The following ITGAX variants were observed in gnomAD, a reference collection of about 807,000 sequenced individuals.
ITGAX encodes the protein integrin alpha-X.
Under a neutral mutation model 140.2 loss-of-function variants are expected in ITGAX, and 99 were observed. The observed-to-expected ratio is 0.71, with a 90% CI of 0.60 to 0.83. The LOEUF is 0.83. ITGAX is among the 40% of genes least tolerant of loss of function. The pLI is 0.00. For missense variants in ITGAX, 1,444 were observed against 1,482.0 expected, an observed-to-expected ratio of 0.97 and a Z score of 0.42; for synonymous variants, 631 against 600.4, an observed-to-expected ratio of 1.05 and a Z score of -0.75.
intron 14 of ITGAX, among the ~76,000 whole-genome samples, chr16:31,364,607 C>T (rs906801942): frequency 3.9e-5 from 6 of 151,958 alleles, no homozygotes; most frequent in African/African-American, 1.5e-4. Context: ...GAAACAAAGG[C>T]GGATAATGAC....
Position 31,376,918 on chromosome 16 carries a change from C to T in ITGAX, c.2625+3C>T. 2 of 1,614,162 alleles carry T rather than the reference C, an allele frequency of 1.2e-6. No individual in the cohort carries two copies. Among genetic ancestry groups the T allele is most frequent in the East Asian group, 2.2e-5 (1 of 44,890 alleles). ...TCATCTTCCGTGGCGGCGCCCAGGT[C>T]AGCCTGGCTTCTGTCCCCTCACTGC... On this transcript the variant is annotated splice_donor_region_variant and intron_variant, in intron 21 of 29. Transcript: ENST00000268296.
intron 20 of ITGAX, among the ~76,000 whole-genome samples, chr16:31,374,456 T>A (rs2081000985): frequency 6.6e-6 from 1 of 152,130 alleles, no homozygotes; most frequent in Admixed American, 6.5e-5. Context: ...TTCTTTATTT[T>A]TGAGACAGGG....
intron 8 of ITGAX, 190 bp from the exon 9 acceptor site, chr16:31,360,873 A>C (rs1264900255): frequency 2.9e-5 from 17 of 581,582 alleles, no homozygotes; most frequent in Non-Finnish European, 4.5e-5. Context: ...AAGGATGAAA[A>C]CTCTGCCCCA....
chr16:31,357,227 C>A (rs753053210), intron 4 of ITGAX, 26 bp from the exon 5 acceptor site: 2 of 1,555,860 alleles, frequency 1.3e-6, no homozygotes, highest in Non-Finnish European at 8.8e-7. Context: ...CAGGGGCAGC[C>A]CCCCAGCAGC....
chr16:31,365,621 A>T (rs934971600), intron 14 of ITGAX, among the ~76,000 whole-genome samples: 2 of 152,246 alleles, frequency 1.3e-5, no homozygotes, highest in Admixed American at 1.3e-4. Context: ...TTTAATTATC[A>T]TTAAGATAGT....
chr16:31,365,742 G>A (rs1239180467), intron 14 of ITGAX, among the ~76,000 whole-genome samples: 1 of 152,154 alleles, frequency 6.6e-6, no homozygotes, highest in Non-Finnish European at 1.5e-5. Flanking sequence ...GGCCAACATG[G>A]GGAAACCCCG....
chr16:31,362,272 G>T, intron 11 of ITGAX, 68 bp downstream of exon 11: 1 of 1,604,366 alleles, frequency 6.2e-7, no homozygotes, highest in Non-Finnish European at 8.5e-7. Flanking sequence ...CAGGGTTCTG[G>T]GGAAGGGGTA....
Position 31,356,738 on chromosome 16 carries a change from C to T in ITGAX, c.247+10C>T, listed in dbSNP as rs1243656402. The T allele has an allele frequency of 1.0e-5, 16 of 1,560,828 alleles. No homozygotes were observed. The highest frequency in any genetic ancestry group is 3.5e-5 in the South Asian group (3 of 85,498). ...CCCATCGGCCTGCAGGGTGAGTCAC[C>T]GCCCCTCCCGGGACCCAGGGCCGGG... On this transcript the variant is annotated intron_variant, in intron 3 of 29. Transcript: ENST00000268296.
At chr16:31,363,099 T>TGGGG in intron 13 of ITGAX, 24 bp downstream of exon 13, 1 of 504,854 alleles carries the variant, frequency 2.0e-6, no homozygotes, top group Non-Finnish European at 3.4e-6. Flanking sequence ...GGGCCTGGGG[T>TGGGG]GGGTGGGGTC....
At chr16:31,370,876 C>T (rs911073358) in intron 14 of ITGAX, among the ~76,000 whole-genome samples, 7 of 152,072 alleles carry the variant, frequency 4.6e-5, no homozygotes, top group African/African-American at 1.7e-4. Context: ...CACCAGGACA[C>T]CCTTCCTATC....
At chr16:31,369,420 T>C (rs568969482) in intron 14 of ITGAX, among the ~76,000 whole-genome samples, 17 of 152,332 alleles carry the variant, frequency 1.1e-4, no homozygotes, top group African/African-American at 3.4e-4. Flanking sequence ...GAAGCTCTAC[T>C]GTGGCCAAAT....
chr16:31,368,626 T>A (rs951705268), intron 14 of ITGAX, among the ~76,000 whole-genome samples: 2 of 151,962 alleles, frequency 1.3e-5, no homozygotes, highest in African/African-American at 2.4e-5. Flanking sequence ...TTATTTTTTT[T>A]ATTGATCATT....
At position 31,382,178 on chromosome 16, in the gene ITGAX, G is replaced by A. The variant is rs1037068953; in HGVS notation, c.*271G>A. 6.7e-5 allele frequency: 95 copies of A among 1,410,762 alleles called. No individual in the cohort carries two copies. Among genetic ancestry groups the A allele is most frequent in the Middle Eastern group, 2.6e-4 (1 of 3,820 alleles). 87.4% of individuals were successfully genotyped at this position (1,410,762 alleles called of 1,614,324 possible). A position where few individuals can be genotyped will look rare whatever the true frequency, so the allele number is the denominator to read the frequency against. On this transcript the variant is annotated 3_prime_UTR_variant, in exon 30 of 30. Coordinates refer to ENST00000268296, the MANE Select transcript of ITGAX (RefSeq NM_000887.5). ...TAGAAATACATGGACAATACCCCCA[G>A]GCCTCAGTCTCCCTTCTCCCATGAG...
In ITGAX at chr16:31,380,074, G is replaced by C; in HGVS notation, c.3060+9G>C. 1 of 1,613,396 alleles carries C rather than the reference G, an allele frequency of 6.2e-7. No individual in the cohort carries two copies. ...AGAAGAATCCCGTGCTGGTGAGGAG[G>C]GCTCTGGGCTGGCCCTCACTGTAGG... On this transcript the variant is annotated intron_variant, in intron 26 of 29. Transcript: ENST00000268296.
At chr16:31,362,243 C>T (rs200734472) in intron 11 of ITGAX, 39 bp downstream of exon 11, 340 of 1,610,608 alleles carry the variant, frequency 2.1e-4, no homozygotes, top group Non-Finnish European at 1.7e-4. Flanking sequence ...GTGGGAGATG[C>T]ACTGCCCAGG....
At chr16:31,367,765 C>A (rs2080906428) in intron 14 of ITGAX, among the ~76,000 whole-genome samples, 1 of 152,116 alleles carries the variant, frequency 6.6e-6, no homozygotes, top group Non-Finnish European at 1.5e-5. Flanking sequence ...GTCCATGGAC[C>A]AAGGAGTAAT....
At chr16:31,355,407 A>C in intron 1 of ITGAX, 116 bp downstream of exon 1, 1 of 1,102,278 alleles carries the variant, frequency 9.1e-7, no homozygotes, top group Non-Finnish European at 1.3e-6. Flanking sequence ...AGACTCAGTC[A>C]AGCCTGAGGG....
chr16:31,371,619 A>G lies in ITGAX; in HGVS notation c.2006-11A>G, dbSNP rs772427794. 4.3e-6 allele frequency: 7 copies of G among 1,613,476 alleles called. No individual in the cohort carries two copies. The highest frequency in any genetic ancestry group is 1.3e-5 in the African/African-American group (1 of 74,806). On this transcript the variant is annotated splice_polypyrimidine_tract_variant and intron_variant, in intron 16 of 29. Transcript: ENST00000268296. ...TTCCTGTCTCAACGCCGTCCCTGCG[A>G]CCGCCTACAGGTGACCTCCAAAGCT...
intron 14 of ITGAX, among the ~76,000 whole-genome samples, chr16:31,368,144 AAAGT>A (rs1027802301): frequency 3.0e-5 from 4 of 132,984 alleles, no homozygotes; most frequent in African/African-American, 5.9e-5. Context: ...ATGAGGAAAG[AAAGT>A]GTTTTTTTTT....
Sources: allele counts gnomAD v4.1 joint callset (sites outside exome capture counted in the v4.1 genomes callset), GRCh38; gene constraint gnomAD v4.1.1; transcripts MANE v1.5; gene names NCBI Gene and HGNC (gene_info 2026-07-23, HGNC 2026-07-21).